The following FOXP2 variants were observed in gnomAD, a reference collection of about 807,000 sequenced individuals.
FOXP2 encodes forkhead box protein P2.
A neutral mutation model predicts 115.8 loss-of-function variants in FOXP2; 12 were observed. The ratio of observed to expected loss-of-function variants is 0.10; its 90% confidence interval spans 0.07 to 0.17. The LOEUF (loss-of-function observed/expected upper bound fraction) is 0.17. Ranked by LOEUF, FOXP2 falls within the 10% of genes least tolerant of loss-of-function variation. FOXP2 has a pLI of 1.00. For synonymous variants in FOXP2, 328 were observed against 297.7 expected (o/e 1.10, Z -1.05); for missense variants, 629 against 843.5 (o/e 0.75, Z 3.15).
intron 3 of FOXP2, among the ~76,000 whole-genome samples, chr7:114,561,763 T>C (rs1800769707): frequency 6.6e-6 from 1 of 152,054 alleles, no homozygotes; most frequent in Non-Finnish European, 1.5e-5. Context: ...CTTGGACCTA[T>C]CTTTTTTGTT....
At chr7:114,652,845 CAT>C (rs1334155373) in intron 9 of FOXP2, among the ~76,000 whole-genome samples, 5 of 152,062 alleles carry the variant, frequency 3.3e-5, no homozygotes, top group Non-Finnish European at 7.4e-5. Flanking sequence ...ATAATACACA[CAT>C]GTTGTATCAA....
At chr7:114,196,325 G>A (rs1191994721) in intron 1 of FOXP2, among the ~76,000 whole-genome samples, 3 of 152,086 alleles carry the variant, frequency 2.0e-5, no homozygotes, top group East Asian at 1.9e-4. Flanking sequence ...ATTTTAAAAG[G>A]ACCTTTTATT....
intron 2 of FOXP2, among the ~76,000 whole-genome samples, chr7:114,331,844 G>T (rs1367444439): frequency 1.3e-5 from 2 of 151,602 alleles, no homozygotes; most frequent in Non-Finnish European, 2.9e-5. Flanking sequence ...TGGGGTTTTC[G>T]CCATGTTTGC....
chr7:114,653,797 T>G (rs1468413058), intron 9 of FOXP2, 129 bp from the exon 10 acceptor site: 2 of 1,028,292 alleles, frequency 1.9e-6, no homozygotes, highest in Non-Finnish European at 3.0e-6. Context: ...GATAAGTTCC[T>G]CCTGACGCAG....
chr7:114,519,179 G>A (rs1030420295), intron 2 of FOXP2, among the ~76,000 whole-genome samples: 1 of 152,164 alleles, frequency 6.6e-6, no homozygotes, highest in Non-Finnish European at 1.5e-5. Context: ...TTAAAGAAGA[G>A]TAGGGAGGTA....
chr7:114,162,276 A>G (rs1302818404), upstream of FOXP2, among the ~76,000 whole-genome samples: 1 of 152,068 alleles, frequency 6.6e-6, no homozygotes, highest in African/African-American at 2.4e-5. Context: ...GCATTTTTAC[A>G]TCTTGTAAAT....
chr7:114,375,567 T>G (rs1449089067), intron 2 of FOXP2, among the ~76,000 whole-genome samples: 1 of 152,156 alleles, frequency 6.6e-6, no homozygotes, highest in African/African-American at 2.4e-5. Context: ...AAAAGAGCCA[T>G]TGTTTCTGAG....
At chr7:114,167,814 T>C (rs539007274) in intron 1 of FOXP2, among the ~76,000 whole-genome samples, 101 of 151,818 alleles carry the variant, frequency 6.7e-4, no homozygotes, top group African/African-American at 2.4e-3. Context: ...CGGGTGCCTG[T>C]AGTCCCAGCT....
intron 2 of FOXP2, among the ~76,000 whole-genome samples, chr7:114,322,540 C>G (rs1465957038): frequency 6.6e-6 from 1 of 151,948 alleles, no homozygotes; most frequent in Non-Finnish European, 1.5e-5. Flanking sequence ...AGATGCACAG[C>G]ATTAAAGCAC....
chr7:114,148,352 C>G (rs568360802), intron 1 of FOXP2, among the ~76,000 whole-genome samples: 1 of 152,174 alleles, frequency 6.6e-6, no homozygotes, highest in Non-Finnish European at 1.5e-5. Context: ...TTTCTAAAAA[C>G]TTTCTTTTTC....
intron 1 of FOXP2, among the ~76,000 whole-genome samples, chr7:114,118,297 GT>G (rs1170584510): frequency 6.6e-6 from 1 of 152,042 alleles, no homozygotes; most frequent in African/African-American, 2.4e-5. Flanking sequence ...TTCTTATTCT[GT>G]GTGAAATTTG....
At chr7:114,228,950 T>C (rs546519611) in intron 1 of FOXP2, among the ~76,000 whole-genome samples, 1 of 151,558 alleles carries the variant, frequency 6.6e-6, no homozygotes, top group African/African-American at 2.4e-5. Context: ...GAAAAATACA[T>C]AGAATAGCCA....
At position 114,163,756 on chromosome 7, in the gene FOXP2, T is replaced by G. The variant is rs1792899943; in HGVS notation, c.-102+668T>G. ...CTAATACTTGTCTTAGGACAATTACTTAGGAAGAAATCTCTTGTTCTTTGT... is the reference window on the plus strand; with the variant it reads ...CTAATACTTGTCTTAGGACAATTACGTAGGAAGAAATCTCTTGTTCTTTGT... On this transcript the variant is annotated intron_variant, in intron 1 of 17. Coordinates refer to the FOXP2 transcript ENST00000634411. 1.3e-5 allele frequency among the ~76,000 whole-genome samples: 2 copies of G among 152,224 alleles called. 1 individual carries two copies. The highest frequency in any genetic ancestry group is 4.1e-4 in the South Asian group (2 of 4,838).
intron 7 of FOXP2, 133 bp downstream of exon 7, chr7:114,642,756 A>C: frequency 2.6e-6 from 1 of 389,622 alleles, no homozygotes; most frequent in Non-Finnish European, 4.6e-6. Context: ...AAATCTTTAG[A>C]TTATTTATCT....
chr7:114,691,212 T>C lies in FOXP2; in HGVS notation c.*1286T>C, dbSNP rs1463888847. The C allele has an allele frequency of 4.4e-6, 2 of 454,052 alleles. No homozygotes were observed. The allele number at this position is 454,052 out of a possible 1,614,324, so 28.1% of individuals were successfully genotyped here. A position where few individuals can be genotyped will look rare whatever the true frequency, so the allele number is the denominator to read the frequency against. On this transcript the variant is annotated 3_prime_UTR_variant, in exon 17 of 17. Transcript: ENST00000350908. ...GGTGAATACATGTTGTTAGAAGATG[T>C]CTTGTATGGTCTTAATCTTTGTTGT...
chr7:114,537,540 T>G (rs1226238162), intron 3 of FOXP2, among the ~76,000 whole-genome samples: 8 of 151,586 alleles, frequency 5.3e-5, no homozygotes, highest in African/African-American at 1.7e-4. Flanking sequence ...TGTTAAGAAG[T>G]GGTGGCCAGA....
At chr7:114,153,295 T>C (rs931246489) in intron 1 of FOXP2, among the ~76,000 whole-genome samples, 5 of 152,184 alleles carry the variant, frequency 3.3e-5, no homozygotes, top group African/African-American at 1.2e-4. Flanking sequence ...TTTTACTCTC[T>C]GTTGCCATAG....
rs1418813034 is a variant in FOXP2 at position 114,313,720 on chromosome 7, G to A, written c.-11+25611G>A. ...AGATTGCGCCACTGCACTCCAGCCT[G>A]GGCGACAGAGCGAGACTCCGTCTCA... On this transcript the variant is annotated intron_variant, in intron 2 of 17. Transcript: ENST00000634411. Among the ~76,000 whole-genome samples, 83 of 51,302 alleles carry A rather than the reference G, an allele frequency of 1.6e-3. 20 individuals are homozygous for A. In the East Asian group the frequency reaches 0.043, roughly 27 times the overall value. The allele number at this position is 51,302 out of a possible 152,430, so 33.7% of individuals were successfully genotyped here.
intron 2 of FOXP2, among the ~76,000 whole-genome samples, chr7:114,357,515 G>A (rs559058124): frequency 6.6e-6 from 1 of 152,184 alleles, no homozygotes; most frequent in Admixed American, 6.5e-5. Flanking sequence ...CTAATCCTAA[G>A]GCTGTCTCCC....
Sources: allele counts gnomAD v4.1 joint callset (sites outside exome capture counted in the v4.1 genomes callset), GRCh38; gene constraint gnomAD v4.1.1; transcripts MANE v1.5; gene names NCBI Gene and HGNC (gene_info 2026-07-23, HGNC 2026-07-21).